PTCD3: variants seen among roughly 807,000 people sequenced by gnomAD.
The protein encoded by PTCD3 is small ribosomal subunit protein mS39.
Under a neutral mutation model 101.9 loss-of-function variants are expected in PTCD3, and 89 were observed. The observed-to-expected ratio is 0.87, with a 90% CI of 0.74 to 1.04. The LOEUF is 1.04. PTCD3 is among the 50% of genes least tolerant of loss of function. The pLI, the probability that PTCD3 is intolerant of heterozygous loss-of-function variation, is 0.00. For missense variants in PTCD3, 870 were observed against 828.2 expected (o/e 1.05, Z -0.62); for synonymous variants, 296 against 278.5 (o/e 1.06, Z -0.63).
At chr2:86,136,677 C>A (rs995151062) in intron 22 of PTCD3, 115 bp downstream of exon 22, 1 of 1,214,282 alleles carries the variant, frequency 8.2e-7, no homozygotes, top group Non-Finnish European at 1.2e-6. Flanking sequence ...GCAAGCATAC[C>A]GTCAACTCCC....
intron 3 of PTCD3, among the ~76,000 whole-genome samples, chr2:86,110,703 G>A (rs558817477): frequency 6.6e-6 from 1 of 152,320 alleles, no homozygotes; most frequent in South Asian, 2.1e-4. Flanking sequence ...TGATGCAATA[G>A]GTCCAGAGTG....
At chr2:86,117,560 G>A (rs1674197377) in intron 6 of PTCD3, among the ~76,000 whole-genome samples, 1 of 150,968 alleles carries the variant, frequency 6.6e-6, no homozygotes. Context: ...TGATCCTCTT[G>A]CCTCAGCCTC....
intron 18 of PTCD3, 23 bp downstream of exon 18, chr2:86,133,279 A>G (rs368973876): frequency 6.2e-7 from 1 of 1,613,828 alleles, no homozygotes; most frequent in African/African-American, 1.3e-5. Context: ...ATTACTTGTT[A>G]TTTATCATTC....
intron 4 of PTCD3, among the ~76,000 whole-genome samples, chr2:86,113,374 C>T (rs1029766027): frequency 1.3e-5 from 2 of 152,140 alleles, no homozygotes; most frequent in African/African-American, 2.4e-5. Context: ...CTTTTAATTT[C>T]GTCTGTGGGG....
chr2:86,109,799 G>A (rs182611025), intron 3 of PTCD3, among the ~76,000 whole-genome samples: 4 of 152,244 alleles, frequency 2.6e-5, no homozygotes, highest in Admixed American at 2.6e-4. Context: ...ATTTTAAAAG[G>A]TTATCATACA....
intron 4 of PTCD3, among the ~76,000 whole-genome samples, chr2:86,113,700 G>T (rs966466385): frequency 2.0e-5 from 3 of 152,102 alleles, no homozygotes; most frequent in Non-Finnish European, 4.4e-5. Flanking sequence ...CCAGCTACTT[G>T]GGAGGCTGAG....
rs186292728 is a variant in PTCD3, at chr2:86,136,493, T to C, written c.1779-28T>C. The C allele has an allele frequency of 2.3e-5, 37 of 1,585,908 alleles. No homozygotes were observed. In the East Asian group the frequency reaches 8.3e-4, roughly 35 times the overall value. On this transcript the variant is annotated intron_variant, in intron 21 of 23. Coordinates refer to ENST00000254630, the MANE Select transcript of PTCD3 (RefSeq NM_017952.6). Reference sequence around the variant, plus strand: ...TGATTGCCTTGTTTTTCTAATAGTATTCATAATCTTTTTCCTTTCTTGAGC... The same window carrying C: ...TGATTGCCTTGTTTTTCTAATAGTACTCATAATCTTTTTCCTTTCTTGAGC...
rs187969183 is a variant in PTCD3 at position 86,130,128 on chromosome 2, C to T, written c.1148-520C>T. Among the ~76,000 whole-genome samples the T allele has an allele frequency of 7.6e-3, 1,160 of 152,236 alleles. 10 individuals are homozygous for T. The highest frequency in any genetic ancestry group is 0.01 in the Non-Finnish European group (699 of 68,024). ...CAGCCTGACCAACATGGGGAAACCC[C>T]TCCTCTACTAAAAATACAAAAAATT... On this transcript the variant is annotated intron_variant, in intron 14 of 23. Coordinates refer to ENST00000254630, the MANE Select transcript of PTCD3 (RefSeq NM_017952.6).
rs571652978 is a variant in PTCD3 at position 86,115,843 on chromosome 2, G to A, written c.241-687G>A. On this transcript the variant is annotated intron_variant, in intron 4 of 23. Transcript: ENST00000254630. ...CTGTTGTTCATTCCTCAGAGGGCAC[G>A]GTGATATCTTCCATTTGGAGGAGGG... Among the ~76,000 whole-genome samples the A allele has an allele frequency of 2.6e-4, 39 of 152,254 alleles. 1 individual carries two copies. The highest frequency in any genetic ancestry group is 9.1e-4 in the African/African-American group (38 of 41,544).
At chr2:86,137,193 T>C in intron 23 of PTCD3, 53 bp downstream of exon 23, 2 of 1,502,208 alleles carry the variant, frequency 1.3e-6, no homozygotes, top group Admixed American at 2.3e-5. Flanking sequence ...TTCATCCATC[T>C]GCCCATTCAA....
chr2:86,132,961 G>A, intron 17 of PTCD3: 1 of 624,040 alleles, frequency 1.6e-6, no homozygotes. Flanking sequence ...AGTATACAGA[G>A]GAAACAGTTA....
intron 1 of PTCD3, chr2:86,107,083 A>G (rs1558791528): frequency 2.1e-6 from 1 of 470,306 alleles, no homozygotes; most frequent in Non-Finnish European, 4.4e-6. Flanking sequence ...GGGGTATGTA[A>G]TTTACAATAT....
intron 4 of PTCD3, among the ~76,000 whole-genome samples, chr2:86,114,464 A>AT (rs1173181513): frequency 7.2e-5 from 11 of 151,972 alleles, no homozygotes; most frequent in African/African-American, 2.2e-4. Context: ...TAATTTTTGT[A>AT]TTTTTAGTAG....
At position 86,117,007 on chromosome 2, in the gene PTCD3, C is replaced by T. The variant is rs779057741; in HGVS notation, c.310-48C>T. ...TTCTTGCTGAGAGTGTAACTATAAT[C>T]TTGCTTGAGTTTAAATTACATGTAT... is the stretch of plus-strand genomic sequence containing the variant. On this transcript the variant is annotated intron_variant, in intron 5 of 23. Transcript: ENST00000254630. 3.3e-5 allele frequency: 26 copies of T among 799,864 alleles called. No individual in the cohort carries two copies. The Middle Eastern group carries it at 9.4e-4, about 29-fold the overall frequency. 49.5% of individuals were successfully genotyped at this position (799,864 alleles called of 1,614,324 possible).
intron 6 of PTCD3, among the ~76,000 whole-genome samples, chr2:86,118,149 TC>T (rs781041006): frequency 1.3e-4 from 20 of 152,232 alleles, no homozygotes; most frequent in Non-Finnish European, 2.2e-4. Flanking sequence ...TGTATACTCT[TC>T]TGTTTCAGTG....
At chr2:86,124,546 A>G (rs1449027753) in intron 9 of PTCD3, among the ~76,000 whole-genome samples, 2 of 152,130 alleles carry the variant, frequency 1.3e-5, no homozygotes. Flanking sequence ...AATCACTTAA[A>G]CCCAGGAGGT....
chr2:86,140,213 C>T lies in PTCD3; in HGVS notation c.*2654C>T, dbSNP rs993277575. 1 of 130,086 alleles carries T rather than the reference C, an allele frequency of 7.7e-6. No individual in the cohort carries two copies. Among genetic ancestry groups the T allele is most frequent in the Non-Finnish European group, 1.6e-5 (1 of 64,014 alleles). The allele number at this position is 130,086 out of a possible 1,614,324, so 8.1% of individuals were successfully genotyped here. ...ACCACAGTAAAGCAGACTCCCCTTT[C>T]AGCAACCTCAAAGCAAAAAAAAAAA... On this transcript the variant is annotated 3_prime_UTR_variant, in exon 24 of 24. Transcript: ENST00000254630.
rs141454918 is a variant in PTCD3 at position 86,125,467 on chromosome 2, G to A, written c.817G>A (p.Glu273Lys). 1.6e-5 allele frequency: 26 copies of A among 1,613,244 alleles called. No individual in the cohort carries two copies. Among genetic ancestry groups the A allele is most frequent in the South Asian group, 2.2e-5 (2 of 91,072 alleles). Reference protein sequence around the residue: ...IRGMVKHRAYEQALNLYTELL... With the variant: ...IRGMVKHRAYKQALNLYTELL... ...TTTCCTTTTCCAGCACCGAGCTTAT[G>A]AGCAGGCATTAAACTTGTACACTGA... The change falls in exon 11 of 24, where the codon GAG becomes AAG. Residue 273 changes from glutamate to lysine, a missense_variant. By Grantham distance (56) the Glu-to-Lys change is moderately conservative. Coordinates refer to ENST00000254630, the MANE Select transcript of PTCD3 (RefSeq NM_017952.6).
At chr2:86,107,184 C>T (rs896231287) in intron 1 of PTCD3, 4 of 471,090 alleles carry the variant, frequency 8.5e-6, no homozygotes, top group African/African-American at 6.0e-5. Flanking sequence ...CATTCAATGC[C>T]AGTCCTCCGT....
Sources: allele counts gnomAD v4.1 joint callset (sites outside exome capture counted in the v4.1 genomes callset), GRCh38; gene constraint gnomAD v4.1.1; transcripts MANE v1.5; gene names NCBI Gene and HGNC (gene_info 2026-07-23, HGNC 2026-07-21).